Variants in RBM23 observed in about 807,000 individuals in gnomAD.
The protein encoded by RBM23 is RNA binding motif protein 23, also known as probable RNA-binding protein 23.
A neutral mutation model predicts 56.2 loss-of-function variants in RBM23; 53 were observed. That is an observed-to-expected ratio of 0.94 (90% CI 0.76 to 1.19). The LOEUF (loss-of-function observed/expected upper bound fraction) is 1.19. Ranked by LOEUF, RBM23 falls within the 50% of genes most tolerant of loss-of-function variation. The probability of loss-of-function intolerance (pLI) is 0.00; values close to 1 mark genes in which losing one functional copy is unlikely to be tolerated. For missense variants in RBM23, 642 were observed against 590.3 expected (o/e 1.09, Z -0.91); for synonymous variants, 197 against 198.5 (o/e 0.99, Z 0.06).
At position 22,905,376 on chromosome 14, in the gene RBM23, C is replaced by T. The variant is rs373466451; in HGVS notation, c.533G>A (p.Arg178Gln). The T allele has an allele frequency of 1.0e-4, 164 of 1,613,950 alleles. No individual in the cohort carries two copies. Among genetic ancestry groups the T allele is most frequent in the Non-Finnish European group, 1.3e-4 (157 of 1,180,032 alleles). The change falls in exon 7 of 14, where the codon CGG (arginine) becomes CAG (glutamine). Residue 178 changes from arginine (R) to glutamine (Q), a missense_variant. Coordinates refer to ENST00000359890, the MANE Select transcript of RBM23 (RefSeq NM_001077351.2). ...VFCMQLAARI[R>Q]PRDLEDFFSA... is the part of the protein sequence containing the mutation. ...GAAAAAGTCCTCCAGATCTCGAGGC[C>T]GAATTCGGGCAGCTAACTGCATACA...
rs1056030767 is a variant in RBM23, at chr14:22,897,932, G to A, written c.*3798C>T. 4 of 152,256 alleles carry A rather than the reference G, an allele frequency of 2.6e-5. No homozygotes were observed. The highest frequency in any genetic ancestry group is 3.9e-4 in the East Asian group (2 of 5,186). 9.4% of individuals were successfully genotyped at this position (152,256 alleles called of 1,614,324 possible). A position where few individuals can be genotyped will look rare whatever the true frequency, so the allele number is the denominator to read the frequency against. On this transcript the variant is annotated 3_prime_UTR_variant, in exon 14 of 14. Coordinates refer to ENST00000359890, the MANE Select transcript of RBM23 (RefSeq NM_001077351.2). Reference sequence around the variant, plus strand: ...GTGAGGATTTTGTGACTTAATACACGATTAGAACACCTAACCTACAACCAA... The same window carrying A: ...GTGAGGATTTTGTGACTTAATACACAATTAGAACACCTAACCTACAACCAA...
At chr14:22,903,858 A>C in intron 10 of RBM23, 1 of 1,135,804 alleles carries the variant, frequency 8.8e-7, no homozygotes, top group Non-Finnish European at 1.1e-6. Context: ...CAAATGGGGT[A>C]GCACCAGAGG....
At chr14:22,902,693 A>C in intron 10 of RBM23, 3 of 1,063,898 alleles carry the variant, frequency 2.8e-6, no homozygotes, top group Non-Finnish European at 3.4e-6. Flanking sequence ...ATCAAATGGA[A>C]GACAAGCTAA....
intron 1 of RBM23, among the ~76,000 whole-genome samples, chr14:22,918,457 T>A (rs2043966672): frequency 6.6e-6 from 1 of 152,050 alleles, no homozygotes; most frequent in African/African-American, 2.4e-5. Context: ...GGAGCCAGTG[T>A]CCCAGGGCTC....
chr14:22,906,414 C>T, intron 4 of RBM23, 46 bp from the exon 5 acceptor site: 1 of 1,601,874 alleles, frequency 6.2e-7, no homozygotes, highest in Non-Finnish European at 8.5e-7. Context: ...ATGTTTAGGC[C>T]AACAACCAAG....
intron 1 of RBM23, 42 bp from the exon 2 acceptor site, chr14:22,911,445 T>C (rs2042507443): frequency 6.7e-6 from 10 of 1,503,492 alleles, no homozygotes; most frequent in South Asian, 1.1e-5. Context: ...GTTTTATATT[T>C]TTCCTCCCTT....
At position 22,900,469 on chromosome 14, in the gene RBM23, A is replaced by G. The variant is rs2040355436; in HGVS notation, c.*1261T>C. On this transcript the variant is annotated 3_prime_UTR_variant, in exon 14 of 14. Transcript: ENST00000359890. ...AGTCTAAGTCTGTCCTGGTGCTGCA[A>G]CTTGGCTGTTTGGGTAATTCTGTCC... 1 of 152,404 alleles carries G rather than the reference A, an allele frequency of 6.6e-6. No individual in the cohort carries two copies. The highest frequency in any genetic ancestry group is 2.1e-4 in the South Asian group (1 of 4,828). 9.4% of individuals were successfully genotyped at this position (152,404 alleles called of 1,614,324 possible).
In RBM23 at chr14:22,911,345, G is replaced by C. The variant is rs759789572; in HGVS notation, c.49C>G (p.Pro17Ala). The change falls in exon 2 of 14, where the codon CCC becomes GCC. Residue 17 changes from proline (P) to alanine (A), a missense_variant. Pro to Ala is a conservative substitution (Grantham distance 27, BLOSUM62 -1). Transcript: ENST00000359890. ...AATATTACCTCTTCTTTTTTATAGG[G>C]AGCTTCCAGCATGGCCTCAATCACT... ...DIVIEAMLEA[P>A]YKKEEDEQQR... is the part of the protein sequence containing the mutation. 6.2e-7 allele frequency: 1 copy of C among 1,613,618 alleles called. No individual in the cohort carries two copies. Among genetic ancestry groups the C allele is most frequent in the South Asian group, 1.1e-5 (1 of 91,064 alleles).
intron 1 of RBM23, among the ~76,000 whole-genome samples, chr14:22,916,545 G>A (rs555540435): frequency 4.6e-5 from 7 of 151,144 alleles, no homozygotes; most frequent in Admixed American, 3.3e-4. Flanking sequence ...CAAAGTACTA[G>A]GATTACATCT....
At position 22,909,163 on chromosome 14, in the gene RBM23, G is replaced by A. The variant is rs750552089; in HGVS notation, c.179+320C>T. 5.3e-5 allele frequency among the ~76,000 whole-genome samples: 8 copies of A among 151,910 alleles called. No individual in the cohort carries two copies. In the East Asian group the frequency reaches 7.7e-4, roughly 15 times the overall value. On this transcript the variant is annotated intron_variant, in intron 3 of 13. Coordinates refer to ENST00000359890, the MANE Select transcript of RBM23 (RefSeq NM_001077351.2). ...TCACCATGTTGGTCAATCTGGTCTC[G>A]AACTCCTGACCTCAGGTGATCCACC...
chr14:22,911,474 T>C, intron 1 of RBM23, 71 bp from the exon 2 acceptor site: 2 of 1,275,066 alleles, frequency 1.6e-6, no homozygotes, highest in East Asian at 2.4e-5. Flanking sequence ...CACACATTTC[T>C]TTCCCACTCC....
Position 22,901,612 on chromosome 14 carries a change from C to T in RBM23, c.*118G>A. ...AGGGTGGCCCCAATTTCCTCAGAGA[C>T]AATGTCCATGCCCTCAGGATGGCTT... is the stretch of plus-strand genomic sequence containing the variant. On this transcript the variant is annotated 3_prime_UTR_variant, in exon 14 of 14. Transcript: ENST00000359890. The T allele has an allele frequency of 1.4e-6, 2 of 1,436,456 alleles. No homozygotes were observed. The highest frequency in any genetic ancestry group is 2.0e-4 in the Middle Eastern group (1 of 4,902). The allele number at this position is 1,436,456 out of a possible 1,614,324, so 89.0% of individuals were successfully genotyped here. A position where few individuals can be genotyped will look rare whatever the true frequency, so the allele number is the denominator to read the frequency against.
rs143427100 is a variant in RBM23 at position 22,909,175 on chromosome 14, T to G, written c.179+308A>C. On this transcript the variant is annotated intron_variant, in intron 3 of 13. Coordinates refer to ENST00000359890, the MANE Select transcript of RBM23 (RefSeq NM_001077351.2). The stretch of plus-strand genomic sequence containing the variant: ...TCAATCTGGTCTCGAACTCCTGACC[T>G]CAGGTGATCCACCCACCTCGGCCTC... Among the ~76,000 whole-genome samples the G allele has an allele frequency of 2.9e-3, 439 of 152,238 alleles. 3 individuals are homozygous for G. The highest frequency in any genetic ancestry group is 0.01 in the African/African-American group (417 of 41,542).
At chr14:22,901,926 C>A (rs776321300) in intron 12 of RBM23, 43 bp from the exon 13 acceptor site, 6 of 1,613,538 alleles carry the variant, frequency 3.7e-6, no homozygotes, top group Non-Finnish European at 5.1e-6. Flanking sequence ...GCACCGCGCA[C>A]TCCTTCTTTC....
chr14:22,908,289 G>A, intron 4 of RBM23, 44 bp downstream of exon 4: 2 of 1,544,856 alleles, frequency 1.3e-6, no homozygotes, highest in Non-Finnish European at 1.7e-6. Flanking sequence ...CAAAGTGCTA[G>A]GATTAAAGAT....
intron 11 of RBM23, 29 bp from the exon 12 acceptor site, chr14:22,902,128 G>A (rs2040639951): frequency 6.2e-7 from 1 of 1,605,056 alleles, no homozygotes; most frequent in African/African-American, 1.3e-5. Context: ...GTGGGATTAA[G>A]CCCCAACCCT....
At chr14:22,902,547 T>G (rs933969110) in intron 10 of RBM23, 165 bp from the exon 11 acceptor site, 71 of 1,340,024 alleles carry the variant, frequency 5.3e-5, no homozygotes, top group Non-Finnish European at 8.7e-6. Context: ...CTCAAAATGG[T>G]TCTCTGAAAA....
chr14:22,902,756 C>CCTTTTTTT lies in RBM23; in HGVS notation c.931-375_931-374insAAAAAAAG, dbSNP rs1555336814. Reference sequence around the variant, plus strand: ...GTTCTCTATCCTAGTAAGTTTTAGTCTTTTTTTTTTTTTTTTTTTTTTTTT... The same window carrying CCTTTTTTT: ...GTTCTCTATCCTAGTAAGTTTTAGTCCTTTTTTTTTTTTTTTTTTTTTTTTTTTTTTTT... On this transcript the variant is annotated intron_variant, in intron 10 of 13. Coordinates refer to ENST00000359890, the MANE Select transcript of RBM23 (RefSeq NM_001077351.2). 9.5e-5 allele frequency: 44 copies of CCTTTTTTT among 460,886 alleles called. 19 individuals carry two copies. Among genetic ancestry groups the CCTTTTTTT allele is most frequent in the Admixed American group, 8.9e-4 (4 of 4,506 alleles). The allele number at this position is 460,886 out of a possible 1,614,324, so 28.5% of individuals were successfully genotyped here.
intron 1 of RBM23, among the ~76,000 whole-genome samples, chr14:22,916,399 G>A (rs1190478704): frequency 6.6e-6 from 1 of 151,362 alleles, no homozygotes; most frequent in African/African-American, 2.4e-5. Flanking sequence ...TGGGACCACA[G>A]GTGTGCACTA....
Sources: allele counts gnomAD v4.1 joint callset (sites outside exome capture counted in the v4.1 genomes callset), GRCh38; gene constraint gnomAD v4.1.1; transcripts MANE v1.5; gene names NCBI Gene and HGNC (gene_info 2026-07-23, HGNC 2026-07-21).